Variants in GPD2 observed in about 807,000 individuals in gnomAD.
GPD2 encodes glycerol-3-phosphate dehydrogenase, mitochondrial.
GPD2 carries 54 observed loss-of-function variants against 82.4 expected under a neutral mutation model. The ratio of observed to expected loss-of-function variants is 0.66; its 90% confidence interval spans 0.53 to 0.82. GPD2 has a LOEUF of 0.82. Ranked by LOEUF, GPD2 falls within the 40% of genes least tolerant of loss-of-function variation. The pLI, the probability that GPD2 is intolerant of heterozygous loss-of-function variation, is 0.00. For missense variants in GPD2, 748 were observed against 896.2 expected (o/e 0.83, Z 2.11); for synonymous variants, 288 against 306.1 (o/e 0.94, Z 0.62).
At chr2:156,553,449 A>AG (rs1250071509) in intron 8 of GPD2, among the ~76,000 whole-genome samples, 2 of 152,230 alleles carry the variant, frequency 1.3e-5, no homozygotes, top group African/African-American at 4.8e-5. Flanking sequence ...AACTATGAAA[A>AG]TAAAACATGA....
At chr2:156,529,743 A>G (rs1335971299) in intron 6 of GPD2, among the ~76,000 whole-genome samples, 3 of 150,996 alleles carry the variant, frequency 2.0e-5, no homozygotes, top group African/African-American at 7.3e-5. Flanking sequence ...AAGATCAGAT[A>G]GTTGTAGATA....
At chr2:156,441,248 A>G (rs1048336676) in intron 1 of GPD2, among the ~76,000 whole-genome samples, 9 of 152,112 alleles carry the variant, frequency 5.9e-5, no homozygotes, top group Admixed American at 2.0e-4. Context: ...TACCTTTTGT[A>G]ATAAACTGTT....
At chr2:156,436,847 G>A (rs80252802) in intron 1 of GPD2, among the ~76,000 whole-genome samples, 1 of 152,338 alleles carries the variant, frequency 6.6e-6, no homozygotes, top group African/African-American at 2.4e-5. Flanking sequence ...CGAAGCAAGA[G>A]TGAGAACGAG....
At chr2:156,465,349 C>G (rs766366563) in intron 1 of GPD2, among the ~76,000 whole-genome samples, 6 of 20,782 alleles carry the variant, frequency 2.9e-4, no homozygotes, top group Non-Finnish European at 1.7e-3. Context: ...TCTTTTCTTT[C>G]TTTCTTTCTT....
intron 9 of GPD2, among the ~76,000 whole-genome samples, chr2:156,559,607 G>A (rs10208665): frequency 6.6e-6 from 1 of 152,074 alleles, no homozygotes; most frequent in Non-Finnish European, 1.5e-5. Flanking sequence ...GTGACTCCTA[G>A]TTTAATTGAC....
At chr2:156,552,655 T>C (rs1686802457) in intron 8 of GPD2, among the ~76,000 whole-genome samples, 1 of 152,146 alleles carries the variant, frequency 6.6e-6, no homozygotes, top group Admixed American at 6.5e-5. Context: ...ACAGACCTTA[T>C]GTTAATTCTG....
chr2:156,404,686 CAAAAAAAAAAAA>C, the GPD2 span, among the ~76,000 whole-genome samples: 7 of 64,388 alleles, frequency 1.1e-4, no homozygotes, highest in Non-Finnish European at 1.7e-4. Flanking sequence ...TTAAAAATAC[CAAAAAAAAAAAA>C]AAAAAAAAAA....
rs184521027 is a variant in GPD2 at position 156,551,287 on chromosome 2, G to A, written c.971+541G>A. 2.6e-5 allele frequency among the ~76,000 whole-genome samples: 4 copies of A among 152,242 alleles called. No homozygotes were observed. The East Asian group carries it at 5.8e-4, about 22-fold the overall frequency. Reference sequence around the variant, plus strand: ...ATTGAGGATGAAGAAATGGGCAGGAGTAGAGATAAAATAAGAATAGCTATT... The same window carrying A: ...ATTGAGGATGAAGAAATGGGCAGGAATAGAGATAAAATAAGAATAGCTATT... On this transcript the variant is annotated intron_variant, in intron 8 of 16. Coordinates refer to ENST00000438166, the MANE Select transcript of GPD2 (RefSeq NM_000408.5).
chr2:156,459,686 C>CAAAAAAAAAAAAAAAAAAAAAAAAAAAA (rs564494059), intron 1 of GPD2, among the ~76,000 whole-genome samples: 2 of 38,788 alleles, frequency 5.2e-5, no homozygotes, highest in Non-Finnish European at 9.0e-5. Flanking sequence ...GACTCCGTCT[C>CAAAAAAAAAAAAAAAAAAAAAAAAAAAA]AAAAAAAAAA....
intron 6 of GPD2, among the ~76,000 whole-genome samples, chr2:156,546,078 G>C (rs1172817655): frequency 6.6e-6 from 1 of 152,172 alleles, no homozygotes; most frequent in Admixed American, 6.6e-5. Context: ...TCCACCTCTT[G>C]TGTGCTTCCT....
chr2:156,531,819 T>C (rs1243969261), intron 6 of GPD2, among the ~76,000 whole-genome samples: 3 of 152,220 alleles, frequency 2.0e-5, no homozygotes, highest in East Asian at 3.9e-4. Context: ...CCTCTCTCCA[T>C]AGGACAAATG....
At chr2:156,562,788 A>T (rs1687224778) in intron 9 of GPD2, among the ~76,000 whole-genome samples, 1 of 152,166 alleles carries the variant, frequency 6.6e-6, no homozygotes. Context: ...TGTCTGTTCA[A>T]CTTTTCTATT....
the GPD2 span, among the ~76,000 whole-genome samples, chr2:156,403,909 TC>T: frequency 2.0e-5 from 3 of 152,212 alleles, no homozygotes; most frequent in African/African-American, 7.2e-5. Context: ...GTAAAAACTG[TC>T]TTTTTGCTGG....
intron 16 of GPD2, among the ~76,000 whole-genome samples, chr2:156,582,398 T>C (rs1031264563): frequency 6.6e-6 from 1 of 150,926 alleles, no homozygotes; most frequent in African/African-American, 2.4e-5. Context: ...GGTAGACAAA[T>C]ATAGGTCATG....
At position 156,568,999 on chromosome 2, in the gene GPD2, T is replaced by TG. The variant is rs1448260367; in HGVS notation, c.1300+40_1300+41insG. 1.3e-6 allele frequency: 2 copies of TG among 1,565,198 alleles called. 1 individual carries two copies. On this transcript the variant is annotated intron_variant, in intron 10 of 16. Coordinates refer to ENST00000438166, the MANE Select transcript of GPD2 (RefSeq NM_000408.5). ...CTTGTTATTTTCTTTTCTTTTTTTTTTTTTTTTGTTATAGGGACAGGGTCT... is the reference window on the plus strand; with the variant it reads ...CTTGTTATTTTCTTTTCTTTTTTTTTGTTTTTTTGTTATAGGGACAGGGTCT...
At chr2:156,535,419 G>A (rs1463823255) in intron 6 of GPD2, among the ~76,000 whole-genome samples, 1 of 77,306 alleles carries the variant, frequency 1.3e-5, no homozygotes, top group African/African-American at 4.9e-5. Flanking sequence ...GAGAGACCTA[G>A]GAAAGAGAGG....
rs762285348 is a variant in GPD2, at chr2:156,512,248, A to G, written c.428A>G (p.Glu143Gly). ...QYRMVKEALH[E>G]RANLLEIAPH... The stretch of plus-strand genomic sequence containing the variant: ...AGGATGGTAAAAGAAGCCCTTCATG[A>G]GCGTGCCAACCTGCTAGAAATTGCT... The change falls in exon 5 of 17, where the codon GAG becomes GGG. Residue 143 changes from glutamate (E) to glycine (G), a missense_variant. This residue lies in a region of GPD2 where 692 missense variants were observed against 809.7 expected (regional missense o/e 0.85). Coordinates refer to ENST00000438166, the MANE Select transcript of GPD2 (RefSeq NM_000408.5). 6.3e-7 allele frequency: 1 copy of G among 1,599,108 alleles called. No individual in the cohort carries two copies. Among genetic ancestry groups the G allele is most frequent in the South Asian group, 1.1e-5 (1 of 90,822 alleles).
intron 6 of GPD2, among the ~76,000 whole-genome samples, chr2:156,528,706 G>C (rs200878687): frequency 1.3e-5 from 2 of 149,718 alleles, no homozygotes; most frequent in South Asian, 2.1e-4. Context: ...TTTTGTTCTT[G>C]CGATAGTTTA....
intron 6 of GPD2, among the ~76,000 whole-genome samples, chr2:156,534,112 G>A (rs759052524): frequency 6.6e-5 from 10 of 152,214 alleles, no homozygotes; most frequent in Non-Finnish European, 1.5e-4. Context: ...GTGGCTCTCA[G>A]CAGATGGATG....
Sources: allele counts gnomAD v4.1 joint callset (sites outside exome capture counted in the v4.1 genomes callset), GRCh38; gene constraint gnomAD v4.1.1; regional missense constraint gnomAD v4.1.1; transcripts MANE v1.5; gene names NCBI Gene and HGNC (gene_info 2026-07-23, HGNC 2026-07-21).